PCDHA6: variants seen among roughly 807,000 people sequenced by gnomAD.
The protein encoded by PCDHA6 is protocadherin alpha 6.
Under a neutral mutation model 60.3 loss-of-function variants are expected in PCDHA6, and 55 were observed. The ratio of observed to expected loss-of-function variants is 0.91; its 90% confidence interval spans 0.73 to 1.14. The LOEUF (loss-of-function observed/expected upper bound fraction) is 1.14. Among genes scored for constraint, PCDHA6 ranks in the 50% most tolerant of loss-of-function variants. PCDHA6 has a pLI of 0.00. For synonymous variants in PCDHA6, 652 were observed against 557.9 expected (o/e 1.17, Z -2.38); for missense variants, 1,327 against 1,256.5 (o/e 1.06, Z -0.85).
At chr5:140,967,506 T>G in intron 1 of PCDHA6, 7 of 1,612,946 alleles carry the variant, frequency 4.3e-6, no homozygotes, top group Non-Finnish European at 5.9e-6. Context: ...TCTGTGCGTG[T>G]CCTGGACACT....
intron 1 of PCDHA6, among the ~76,000 whole-genome samples, chr5:140,897,966 T>C (rs1339473229): frequency 5.3e-5 from 8 of 152,276 alleles, no homozygotes; most frequent in African/African-American, 1.9e-4. Flanking sequence ...TTCATGTGTC[T>C]TTTGGCTGCA....
At chr5:140,885,677 T>C (rs1554182236) in intron 1 of PCDHA6, among the ~76,000 whole-genome samples, 1 of 152,208 alleles carries the variant, frequency 6.6e-6, no homozygotes, top group African/African-American at 2.4e-5. Context: ...ACTCTTTCTA[T>C]CTCAAGAAGC....
chr5:140,882,280 C>T lies in PCDHA6; in HGVS notation c.2394+51795C>T, dbSNP rs531486554. On this transcript the variant is annotated intron_variant, in intron 1 of 3. Transcript: ENST00000529310. ...TTTTGGAGTGTACCATGCTGTCTTCCTGGCAAGGAGGCCCAAGACCGCGGC... is the reference window on the plus strand; with the variant it reads ...TTTTGGAGTGTACCATGCTGTCTTCTTGGCAAGGAGGCCCAAGACCGCGGC... 1.0e-4 allele frequency: 164 copies of T among 1,612,564 alleles called. 4 individuals are homozygous for T. The South Asian group carries it at 1.7e-3, about 16-fold the overall frequency.
In PCDHA6 at chr5:140,952,330, C is replaced by A. The variant is rs564242872; in HGVS notation, c.2395-26619C>A. On this transcript the variant is annotated intron_variant, in intron 1 of 3. Transcript: ENST00000529310. ...TCCAGCCTGGGCAACAAGAGTGAAACTCCATCTCAAAAAAAAAAAAAAAAG... is the reference window on the plus strand; with the variant it reads ...TCCAGCCTGGGCAACAAGAGTGAAAATCCATCTCAAAAAAAAAAAAAAAAG... Among the ~76,000 whole-genome samples the A allele has an allele frequency of 2.2e-4, 26 of 120,342 alleles. No individual in the cohort carries two copies. The South Asian group carries it at 3.3e-3, about 15-fold the overall frequency. The allele number at this position is 120,342 out of a possible 152,430, so 78.9% of individuals were successfully genotyped here. A position where few individuals can be genotyped will look rare whatever the true frequency, so the allele number is the denominator to read the frequency against.
At position 140,829,142 on chromosome 5, in the gene PCDHA6, G is replaced by A. The variant is rs2150162942; in HGVS notation, c.1051G>A (p.Ala351Thr). ...TAAAAATGATAACGTCCCTGAGATA[G>A]CACTGACTTCCTTATCCTTGCCTGT... ...LDKNDNVPEI[A>T]LTSLSLPVRE... Residue 351 changes from alanine to threonine, a missense_variant, in exon 1 of 4, where the codon GCA (alanine) becomes ACA (threonine). Transcript: ENST00000529310. 2 of 1,613,390 alleles carry A rather than the reference G, an allele frequency of 1.2e-6. No homozygotes were observed. Among genetic ancestry groups the A allele is most frequent in the South Asian group, 1.1e-5 (1 of 91,078 alleles).
chr5:140,890,646 C>A (rs1332050034), intron 1 of PCDHA6, among the ~76,000 whole-genome samples: 4 of 152,082 alleles, frequency 2.6e-5, no homozygotes, highest in African/African-American at 9.7e-5. Flanking sequence ...CTTGATATAT[C>A]AAAATCAAAA....
chr5:140,855,412 A>T (rs2043457321), intron 1 of PCDHA6, among the ~76,000 whole-genome samples: 1 of 149,990 alleles, frequency 6.7e-6, no homozygotes, highest in South Asian at 2.1e-4. Context: ...GAAGCTAATG[A>T]TCTCTAAATT....
In PCDHA6 at chr5:140,937,572, G is replaced by C. The variant is rs113857647; in HGVS notation, c.2395-41377G>C. On this transcript the variant is annotated intron_variant, in intron 1 of 3. Transcript: ENST00000529310. ...GCAGAGGTTGCAGTGAGCTGGGATC[G>C]CGTCACTGCACTCTAGCCTGGGCAA... Among the ~76,000 whole-genome samples, 273 of 151,500 alleles carry C rather than the reference G, an allele frequency of 1.8e-3. 1 individual carries two copies. Among genetic ancestry groups the C allele is most frequent in the African/African-American group, 6.4e-3 (263 of 41,048 alleles).
At position 140,876,601 on chromosome 5, in the gene PCDHA6, C is replaced by A. The variant is rs143847585; in HGVS notation, c.2394+46116C>A. The A allele has an allele frequency of 2.5e-4, 409 of 1,614,152 alleles. No individual in the cohort carries two copies. The highest frequency in any genetic ancestry group is 3.3e-4 in the Non-Finnish European group (387 of 1,180,034). ...CATTGCCCTGATTAGCGTGTCGGAT[C>A]GTGACTCTGGAGCCAATGGACAGGT... On this transcript the variant is annotated intron_variant, in intron 1 of 3. Coordinates refer to ENST00000529310, the MANE Select transcript of PCDHA6 (RefSeq NM_018909.4).
chr5:140,956,921 G>T (rs2095321008), intron 1 of PCDHA6, among the ~76,000 whole-genome samples: 1 of 151,968 alleles, frequency 6.6e-6, no homozygotes, highest in Admixed American at 6.6e-5. Context: ...CTTTAATCTT[G>T]CTGGATATAG....
chr5:140,965,990 G>A (rs1292240100), intron 1 of PCDHA6, among the ~76,000 whole-genome samples: 4 of 152,194 alleles, frequency 2.6e-5, no homozygotes, highest in African/African-American at 9.6e-5. Context: ...ACTTTCTGCA[G>A]TACTTAAGAG....
At position 140,857,263 on chromosome 5, in the gene PCDHA6, A is replaced by G. The variant is rs367883816; in HGVS notation, c.2394+26778A>G. On this transcript the variant is annotated intron_variant, in intron 1 of 3. Coordinates refer to ENST00000529310, the MANE Select transcript of PCDHA6 (RefSeq NM_018909.4). The stretch of plus-strand genomic sequence containing the variant: ...TGTCCACCTACAAGAATTACTACTC[A>G]TTGGTGCTGGACAGCGCTCTGGACC... 5.0e-5 allele frequency: 80 copies of G among 1,598,534 alleles called. 2 individuals carry two copies. In the East Asian group the frequency reaches 1.3e-3, roughly 25 times the overall value.
At position 140,830,008 on chromosome 5, in the gene PCDHA6, A is replaced by G. The variant is rs2150179389; in HGVS notation, c.1917A>G (p.Glu639=). The G allele has an allele frequency of 0.011, 17,411 of 1,613,856 alleles. 1,614 individuals are homozygous for G. In the African/African-American group the frequency reaches 0.2, roughly 19 times the overall value. Residue 639 remains glutamate, a synonymous_variant, in exon 1 of 4, where the codon GAA becomes GAG. Coordinates refer to ENST00000529310, the MANE Select transcript of PCDHA6 (RefSeq NM_018909.4). The part of the protein sequence containing the change: ...GEISTTRVLD[E]ADSPRHRLLV... Reference sequence around the variant, plus strand: ...TCAGCACCACTCGTGTCCTGGACGAAGCGGACTCTCCGCGCCACCGGCTGC... The same window carrying G: ...TCAGCACCACTCGTGTCCTGGACGAGGCGGACTCTCCGCGCCACCGGCTGC...
intron 1 of PCDHA6, among the ~76,000 whole-genome samples, chr5:140,915,441 A>G (rs2077120331): frequency 6.6e-6 from 1 of 152,052 alleles, no homozygotes; most frequent in African/African-American, 2.4e-5. Context: ...GTCCTTCTTG[A>G]GAAGGTTTTC....
intron 1 of PCDHA6, among the ~76,000 whole-genome samples, chr5:140,888,838 A>G (rs2061999996): frequency 6.6e-6 from 1 of 152,078 alleles, no homozygotes; most frequent in East Asian, 1.9e-4. Flanking sequence ...ACTCCACTGC[A>G]GCCTGGTGAC....
chr5:140,923,313 C>T (rs1428494241), intron 1 of PCDHA6, among the ~76,000 whole-genome samples: 1 of 152,074 alleles, frequency 6.6e-6, no homozygotes, highest in African/African-American at 2.4e-5. Flanking sequence ...GGGCGCTTGG[C>T]CTAGAAGTTC....
intron 1 of PCDHA6, chr5:140,862,764 G>A (rs375357178): frequency 5.0e-5 from 29 of 577,184 alleles, no homozygotes; most frequent in Middle Eastern, 5.6e-4. Flanking sequence ...GCGGCAAGAG[G>A]TACGCGTTGC....
At chr5:140,857,314 G>C in intron 1 of PCDHA6, 1 of 1,598,746 alleles carries the variant, frequency 6.3e-7, no homozygotes, top group Non-Finnish European at 8.6e-7. Flanking sequence ...CCTATGAGCT[G>C]GTGGTGACCG....
intron 1 of PCDHA6, chr5:140,927,555 C>G: frequency 6.2e-7 from 1 of 1,614,176 alleles, no homozygotes. Context: ...AAGTCACCAT[C>G]ATTGTGGTGG....
Sources: allele counts gnomAD v4.1 joint callset (sites outside exome capture counted in the v4.1 genomes callset), GRCh38; gene constraint gnomAD v4.1.1; transcripts MANE v1.5; gene names NCBI Gene and HGNC (gene_info 2026-07-23, HGNC 2026-07-21).